Variants in BMPR1B observed in about 807,000 individuals in gnomAD.
The protein encoded by BMPR1B is bone morphogenetic protein receptor type-1B.
BMPR1B carries 12 observed loss-of-function variants against 59.1 expected under a neutral mutation model. That is an observed-to-expected ratio of 0.20 (90% CI 0.13 to 0.33). The LOEUF (loss-of-function observed/expected upper bound fraction) is 0.33, where lower values mean the gene tolerates loss of function less well. Among genes scored for constraint, BMPR1B ranks in the 10% least tolerant of loss-of-function variants. The pLI, the probability that BMPR1B is intolerant of heterozygous loss-of-function variation, is 1.00. For synonymous variants in BMPR1B, 237 were observed against 207.3 expected, an observed-to-expected ratio of 1.14 and a Z score of -1.23; for missense variants, 550 against 610.9, an observed-to-expected ratio of 0.90 and a Z score of 1.05.
intron 3 of BMPR1B, among the ~76,000 whole-genome samples, chr4:95,019,842 G>C (rs956664262): frequency 7.2e-5 from 11 of 152,122 alleles, no homozygotes; most frequent in African/African-American, 2.4e-4. Flanking sequence ...GTTTAAGTTA[G>C]ACCAAAATCA....
intron 12 of BMPR1B, 124 bp from the exon 13 acceptor site, chr4:95,154,424 A>G (rs1735265967): frequency 1.5e-6 from 2 of 1,343,774 alleles, no homozygotes; most frequent in African/African-American, 3.0e-5. Flanking sequence ...TTTTACTTCT[A>G]CATGGTTTTA....
chr4:94,952,449 G>C (rs1203755673), intron 2 of BMPR1B, among the ~76,000 whole-genome samples: 2 of 152,058 alleles, frequency 1.3e-5, no homozygotes, highest in Non-Finnish European at 2.9e-5. Flanking sequence ...CAGGGATTCT[G>C]GTACATTGTG....
chr4:95,068,184 T>G (rs1330906680), intron 3 of BMPR1B, among the ~76,000 whole-genome samples: 1 of 152,120 alleles, frequency 6.6e-6, no homozygotes, highest in Non-Finnish European at 1.5e-5. Context: ...TGTGGGTGTG[T>G]AGATCCGTGG....
chr4:94,881,911 A>T (rs1300511579), intron 2 of BMPR1B, among the ~76,000 whole-genome samples: 2 of 152,162 alleles, frequency 1.3e-5, no homozygotes, highest in Non-Finnish European at 2.9e-5. Flanking sequence ...TTTATAAGTG[A>T]AAGGAAAGAC....
intron 2 of BMPR1B, among the ~76,000 whole-genome samples, chr4:94,950,988 G>C (rs971356540): frequency 6.6e-6 from 1 of 152,084 alleles, no homozygotes; most frequent in Non-Finnish European, 1.5e-5. Flanking sequence ...CCTTGAAGGG[G>C]TCCTTCCCAT....
intron 1 of BMPR1B, among the ~76,000 whole-genome samples, chr4:94,766,728 T>C (rs1024514478): frequency 1.3e-5 from 2 of 152,020 alleles, no homozygotes; most frequent in Non-Finnish European, 2.9e-5. Flanking sequence ...GCATTTTGGG[T>C]CTTTTTTTCT....
At chr4:95,104,665 G>T in intron 4 of BMPR1B, 98 bp downstream of exon 4, 1 of 1,439,780 alleles carries the variant, frequency 6.9e-7, no homozygotes, top group Non-Finnish European at 9.7e-7. Flanking sequence ...ACATTTTAGA[G>T]AACAATGCCT....
In BMPR1B at chr4:94,920,547, G is replaced by T. The variant is rs895861732; in HGVS notation, c.-113+44647G>T. On this transcript the variant is annotated intron_variant, in intron 2 of 12. Coordinates refer to ENST00000515059, the MANE Select transcript of BMPR1B (RefSeq NM_001203.3). ...TCCCACTAATTGTTTTATGGGCTCAGTGTGGGATCTGCATCCCTGACTGGG... is the reference window on the plus strand; with the variant it reads ...TCCCACTAATTGTTTTATGGGCTCATTGTGGGATCTGCATCCCTGACTGGG... Among the ~76,000 whole-genome samples, 8 of 152,294 alleles carry T rather than the reference G, an allele frequency of 5.3e-5. No individual in the cohort carries two copies. In the East Asian group the frequency reaches 1.2e-3, roughly 22 times the overall value.
At chr4:94,835,673 C>T (rs1724779721) in intron 1 of BMPR1B, among the ~76,000 whole-genome samples, 1 of 152,074 alleles carries the variant, frequency 6.6e-6, no homozygotes, top group Non-Finnish European at 1.5e-5. Context: ...TAAAACTCTA[C>T]AATTTAAAGA....
intron 1 of BMPR1B, among the ~76,000 whole-genome samples, chr4:94,807,332 A>G (rs982623902): frequency 1.2e-4 from 18 of 152,154 alleles, no homozygotes; most frequent in Admixed American, 5.2e-4. Context: ...AGCTCAAGCA[A>G]TCTGCCCACC....
intron 3 of BMPR1B, among the ~76,000 whole-genome samples, chr4:95,084,855 A>G (rs1195428473): frequency 6.6e-6 from 1 of 152,170 alleles, no homozygotes; most frequent in African/African-American, 2.4e-5. Context: ...GTGAATCATC[A>G]CTGTGCTGGT....
intron 3 of BMPR1B, among the ~76,000 whole-genome samples, chr4:95,025,727 T>A (rs1028022347): frequency 6.6e-6 from 1 of 152,186 alleles, no homozygotes; most frequent in African/African-American, 2.4e-5. Context: ...TTCAGAAACA[T>A]CACCTTTATT....
At chr4:95,087,407 C>T (rs575800123) in intron 3 of BMPR1B, among the ~76,000 whole-genome samples, 53 of 152,078 alleles carry the variant, frequency 3.5e-4, no homozygotes, top group African/African-American at 1.3e-3. Context: ...AAATAGCACT[C>T]GTGTTTTCTT....
At position 95,130,014 on chromosome 4, in the gene BMPR1B, A is replaced by T. The variant is rs748957679; in HGVS notation, c.738A>T (p.Glu246Asp). The T allele has an allele frequency of 3.7e-6, 6 of 1,613,938 alleles. No homozygotes were observed. The highest frequency in any genetic ancestry group is 2.2e-5 in the East Asian group (1 of 44,874). ...AAGCCAGCTGGTTCAGAGAGACAGA[A>T]ATATATCAGACAGTGTTGATGAGGC... ...TEEASWFRET[E>D]IYQTVLMRHE... The change falls in exon 9 of 13, where the codon GAA becomes GAT. Residue 246 changes from glutamate to aspartate, a missense_variant. Transcript: ENST00000515059.
rs1329592286 is a variant in BMPR1B, at chr4:94,757,959, GT to G, written c.-290del. On this transcript the variant is annotated 5_prime_UTR_variant, in exon 1 of 13. Coordinates refer to ENST00000515059, the MANE Select transcript of BMPR1B (RefSeq NM_001203.3). ...GGCGGAGCGGCCGCGGCGGCCAGAA[GT>G]TGACGGCGCAGCCGGGCGCGGGGCG... 1.4e-5 allele frequency: 2 copies of G among 147,768 alleles called. No individual in the cohort carries two copies. Among genetic ancestry groups the G allele is most frequent in the African/African-American group, 5.0e-5 (2 of 40,022 alleles). 9.2% of individuals were successfully genotyped at this position (147,768 alleles called of 1,614,324 possible).
intron 9 of BMPR1B, 129 bp from the exon 10 acceptor site, chr4:95,131,086 G>A (rs1733319853): frequency 3.2e-6 from 3 of 946,890 alleles, no homozygotes; most frequent in South Asian, 3.1e-5. Flanking sequence ...TACCATCATA[G>A]GCATAGTCAG....
intron 12 of BMPR1B, among the ~76,000 whole-genome samples, chr4:95,154,258 G>A (rs552446490): frequency 1.3e-5 from 2 of 152,170 alleles, no homozygotes; most frequent in African/African-American, 2.4e-5. Flanking sequence ...GTATTGAGTG[G>A]AATACAGACT....
chr4:94,999,629 TGGTA>T (rs1359360070), intron 3 of BMPR1B, among the ~76,000 whole-genome samples: 1 of 152,186 alleles, frequency 6.6e-6, no homozygotes, highest in Non-Finnish European at 1.5e-5. Flanking sequence ...TTGACTGCTG[TGGTA>T]AATTAAGTGA....
chr4:94,984,273 C>A (rs1429301264), intron 2 of BMPR1B, among the ~76,000 whole-genome samples: 1 of 152,140 alleles, frequency 6.6e-6, no homozygotes, highest in Non-Finnish European at 1.5e-5. Flanking sequence ...AGCTGCTATT[C>A]AGATAGATGC....
Sources: gnomAD v4.1 joint callset for allele counts (sites outside exome capture counted in the v4.1 genomes callset) on GRCh38, gnomAD v4.1.1 for gene constraint, MANE v1.5 for transcripts, NCBI Gene and HGNC (gene_info 2026-07-23, HGNC 2026-07-21) for gene names.